Variants in ACTR3B observed in about 807,000 individuals in gnomAD.
ACTR3B encodes the protein actin-related protein 3B.
A neutral mutation model predicts 59.0 loss-of-function variants in ACTR3B; 8 were observed. The observed-to-expected ratio is 0.14, with a 90% CI of 0.08 to 0.24. The LOEUF is 0.24. Among genes scored for constraint, ACTR3B ranks in the 10% least tolerant of loss-of-function variants. ACTR3B has a pLI of 1.00. For synonymous variants in ACTR3B, 148 were observed against 197.9 expected (o/e 0.75, Z 2.12); for missense variants, 245 against 552.3 (o/e 0.44, Z 5.58).
chr7:152,775,427 CAAGTA>C (rs1284207161), intron 1 of ACTR3B, among the ~76,000 whole-genome samples: 1 of 151,942 alleles, frequency 6.6e-6, no homozygotes, highest in Non-Finnish European at 1.5e-5. Flanking sequence ...GAGCATTTAA[CAAGTA>C]AAGTGGAAGA....
chr7:152,778,983 A>G (rs1333087713), intron 1 of ACTR3B, among the ~76,000 whole-genome samples: 3 of 128,068 alleles, frequency 2.3e-5, no homozygotes, highest in African/African-American at 8.9e-5. Flanking sequence ...AAAAAAAAAA[A>G]AAGGACATAT....
At chr7:152,772,913 TG>T in intron 1 of ACTR3B, among the ~76,000 whole-genome samples, 1 of 152,062 alleles carries the variant, frequency 6.6e-6, no homozygotes, top group South Asian at 2.1e-4. Context: ...AGGTTAGGTT[TG>T]GGCTGGGGAG....
At chr7:152,815,897 A>C (rs1366715787) in intron 5 of ACTR3B, among the ~76,000 whole-genome samples, 5 of 151,784 alleles carry the variant, frequency 3.3e-5, no homozygotes, top group African/African-American at 1.2e-4. Flanking sequence ...CTATAATGAA[A>C]TATCTTTTTC....
intron 9 of ACTR3B, among the ~76,000 whole-genome samples, chr7:152,848,287 C>T (rs980179363): frequency 1.3e-5 from 2 of 152,186 alleles, no homozygotes; most frequent in African/African-American, 4.8e-5. Context: ...AGGGACAGCT[C>T]TCAGACACCC....
At chr7:152,784,062 C>T (rs2098163725) in intron 2 of ACTR3B, among the ~76,000 whole-genome samples, 1 of 151,102 alleles carries the variant, frequency 6.6e-6, no homozygotes, top group Non-Finnish European at 1.5e-5. Flanking sequence ...TGCACTCCAG[C>T]CTGAGTGACA....
intron 1 of ACTR3B, among the ~76,000 whole-genome samples, chr7:152,768,202 A>G (rs767737153): frequency 8.5e-4 from 130 of 152,348 alleles, no homozygotes; most frequent in Non-Finnish European, 8.2e-4. Context: ...CAGCCTGGGC[A>G]ACAGAGCCAG....
chr7:152,826,506 T>G (rs934368686), intron 9 of ACTR3B, among the ~76,000 whole-genome samples: 4 of 152,218 alleles, frequency 2.6e-5, no homozygotes, highest in Admixed American at 2.6e-4. Context: ...CTTAAACACT[T>G]GTCTAATACA....
rs772961512 is a variant in ACTR3B, at chr7:152,824,504, T to A, written c.859-526T>A. On this transcript the variant is annotated intron_variant, in intron 8 of 11. Coordinates refer to ENST00000256001, the MANE Select transcript of ACTR3B (RefSeq NM_020445.6). This position sits in a 1 kb window ranked among gnomAD's most constrained non-coding sequence, Gnocchi z 4.2. ...TAACTTATGGAATTGAATCTATGGC[T>A]GTTTATTCAATAACATGATTATCAT... Among the ~76,000 whole-genome samples the A allele has an allele frequency of 8.5e-5, 13 of 152,368 alleles. No individual in the cohort carries two copies. Among genetic ancestry groups the A allele is most frequent in the Non-Finnish European group, 1.6e-4 (11 of 68,040 alleles).
At chr7:152,848,465 A>C (rs961279789) in intron 9 of ACTR3B, among the ~76,000 whole-genome samples, 2 of 152,236 alleles carry the variant, frequency 1.3e-5, no homozygotes, top group Non-Finnish European at 2.9e-5. Context: ...AAACAATAGC[A>C]AAAGAACAAA....
intron 2 of ACTR3B, among the ~76,000 whole-genome samples, chr7:152,792,786 A>G (rs956714170): frequency 6.6e-6 from 1 of 151,974 alleles, no homozygotes; most frequent in African/African-American, 2.4e-5. Context: ...AACAACAACA[A>G]CAAAAATAAT....
chr7:152,826,597 A>G (rs564383005), intron 9 of ACTR3B, among the ~76,000 whole-genome samples: 77 of 152,200 alleles, frequency 5.1e-4, no homozygotes, highest in Non-Finnish European at 8.8e-4. Flanking sequence ...TCCCACTTCA[A>G]TCCCACCTGA....
chr7:152,774,896 C>T (rs1294690204), intron 1 of ACTR3B, among the ~76,000 whole-genome samples: 1 of 152,024 alleles, frequency 6.6e-6, no homozygotes, highest in East Asian at 1.9e-4. Flanking sequence ...GGTCTGGGAA[C>T]AATTTTACTT....
chr7:152,820,943 A>C (rs1472273010), intron 7 of ACTR3B, among the ~76,000 whole-genome samples: 4 of 152,230 alleles, frequency 2.6e-5, no homozygotes, highest in African/African-American at 9.6e-5. Flanking sequence ...CCCAACACCC[A>C]CACTTCTCCT....
At chr7:152,789,997 C>CTTTTTTTTTT (rs756068314) in intron 2 of ACTR3B, among the ~76,000 whole-genome samples, 6 of 102,840 alleles carry the variant, frequency 5.8e-5, no homozygotes, top group African/African-American at 2.2e-4. Flanking sequence ...TGTACTCTTT[C>CTTTTTTTTTT]TTTTTTTTTT....
intron 4 of ACTR3B, among the ~76,000 whole-genome samples, chr7:152,802,203 T>C (rs1207427976): frequency 1.4e-4 from 21 of 150,768 alleles, no homozygotes; most frequent in East Asian, 5.9e-4. Context: ...ATGGATTTAC[T>C]GTGACTGGTT....
At chr7:152,802,611 A>G (rs1481737707) in intron 4 of ACTR3B, among the ~76,000 whole-genome samples, 2 of 149,130 alleles carry the variant, frequency 1.3e-5, no homozygotes, top group Non-Finnish European at 3.0e-5. Flanking sequence ...CTTCCGTGAG[A>G]TGCTCTTTTC....
In ACTR3B at chr7:152,842,901, A is replaced by G. The variant is rs541793790; in HGVS notation, c.952-9225A>G. ...AGTTGCAGTTGTTCGTCTTAACCCA[A>G]ACTTGGTGTGTGGTGGATTTAAGCT... is the stretch of plus-strand genomic sequence containing the variant. On this transcript the variant is annotated intron_variant, in intron 9 of 11. Coordinates refer to ENST00000256001, the MANE Select transcript of ACTR3B (RefSeq NM_020445.6). Among the ~76,000 whole-genome samples, 61 of 152,244 alleles carry G rather than the reference A, an allele frequency of 4.0e-4. 1 individual carries two copies. The highest frequency in any genetic ancestry group is 1.3e-3 in the African/African-American group (53 of 41,550).
chr7:152,804,835 C>G (rs139749899), intron 4 of ACTR3B, among the ~76,000 whole-genome samples: 1 of 152,084 alleles, frequency 6.6e-6, no homozygotes, highest in African/African-American at 2.4e-5. Context: ...TTAGGTTGCC[C>G]TCAGTCCAGC....
At chr7:152,802,806 A>G (rs1336995618) in intron 4 of ACTR3B, among the ~76,000 whole-genome samples, 1 of 152,238 alleles carries the variant, frequency 6.6e-6, no homozygotes, top group Admixed American at 6.5e-5. Flanking sequence ...AGTGTTTTTA[A>G]GAATTATCTG....
Sources: gnomAD v4.1 joint callset for allele counts (sites outside exome capture counted in the v4.1 genomes callset) on GRCh38, gnomAD v4.1.1 for gene constraint, Gnocchi (gnomAD v3.1) non-coding constraint, MANE v1.5 for transcripts, NCBI Gene and HGNC (gene_info 2026-07-23, HGNC 2026-07-21) for gene names.